Variants in SLC6A13 observed in about 807,000 individuals in gnomAD.
SLC6A13 encodes the protein solute carrier family 6 member 13, also known as sodium- and chloride-dependent GABA transporter 2.
In SLC6A13, 69 loss-of-function variants were observed where a neutral mutation model predicts 72.9. The observed-to-expected ratio is 0.95, with a 90% CI of 0.78 to 1.16. SLC6A13 has a LOEUF of 1.16. SLC6A13 is among the 50% of genes most tolerant of loss of function. The pLI is 0.00. For synonymous variants in SLC6A13, 303 were observed against 303.0 expected (o/e 1.00, Z 0.00); for missense variants, 735 against 760.5 (o/e 0.97, Z 0.39).
intron 8 of SLC6A13, among the ~76,000 whole-genome samples, chr12:227,313 C>T (rs189501951): frequency 2.4e-4 from 36 of 152,316 alleles, no homozygotes; most frequent in African/African-American, 7.9e-4. Flanking sequence ...CTACATCAGC[C>T]AGGAGGCCAG....
chr12:230,154 G>C (rs7132236), intron 7 of SLC6A13, among the ~76,000 whole-genome samples: 1 of 151,930 alleles, frequency 6.6e-6, no homozygotes, highest in Non-Finnish European at 1.5e-5. Flanking sequence ...CCCACTCCAC[G>C]AGCCCTGGTT....
intron 7 of SLC6A13, among the ~76,000 whole-genome samples, chr12:234,116 C>A (rs556419309): frequency 6.6e-6 from 1 of 152,156 alleles, no homozygotes; most frequent in African/African-American, 2.4e-5. Flanking sequence ...CTAGGTTGCA[C>A]GCTCACTCCC....
intron 2 of SLC6A13, chr12:258,890 C>T (rs2137324934): frequency 1.0e-6 from 1 of 981,968 alleles, no homozygotes; most frequent in Non-Finnish European, 1.2e-6. Flanking sequence ...CTAGAAGGGG[C>T]TGGGTAATGG....
intron 7 of SLC6A13, among the ~76,000 whole-genome samples, chr12:231,323 C>A (rs915068359): frequency 2.6e-5 from 4 of 152,244 alleles, no homozygotes; most frequent in Non-Finnish European, 2.9e-5. Context: ...TGGCTCCCCA[C>A]AACCGGCCTC....
At chr12:247,651 CA>C (rs573049649) in intron 2 of SLC6A13, among the ~76,000 whole-genome samples, 14 of 152,080 alleles carry the variant, frequency 9.2e-5, no homozygotes, top group African/African-American at 3.4e-4. Context: ...TGAATCTATA[CA>C]AAGTAATAAA....
intron 2 of SLC6A13, among the ~76,000 whole-genome samples, chr12:246,156 T>TAAATAAATAAATAAATAAATAAAA (rs892942714): frequency 1.7e-5 from 2 of 120,950 alleles, no homozygotes; most frequent in African/African-American, 5.5e-5. Context: ...AATAAATAAA[T>TAAATAAATAAATAAATAAATAAAA]AAAATACAAA....
At chr12:255,688 T>G (rs1942717717) in intron 2 of SLC6A13, among the ~76,000 whole-genome samples, 1 of 152,196 alleles carries the variant, frequency 6.6e-6, no homozygotes, top group South Asian at 2.1e-4. Flanking sequence ...AGAGCGAGAC[T>G]CCATCTTGGA....
At chr12:229,420 T>C (rs369534869) in intron 7 of SLC6A13, among the ~76,000 whole-genome samples, 3 of 152,366 alleles carry the variant, frequency 2.0e-5, no homozygotes, top group East Asian at 3.9e-4. Flanking sequence ...CCTGCAAAGA[T>C]AGTCATCTCA....
At chr12:252,630 C>A (rs980150131) in intron 2 of SLC6A13, among the ~76,000 whole-genome samples, 3 of 152,116 alleles carry the variant, frequency 2.0e-5, no homozygotes, top group Admixed American at 1.3e-4. Flanking sequence ...ACAATTCAGC[C>A]AAAGAAGTCC....
intron 5 of SLC6A13, 53 bp downstream of exon 5, chr12:237,873 T>C (rs1184445594): frequency 1.6e-5 from 21 of 1,344,048 alleles, no homozygotes; most frequent in Non-Finnish European, 2.1e-5. Flanking sequence ...CTCCTCCCCA[T>C]ACCCTTCTTC....
intron 1 of SLC6A13, among the ~76,000 whole-genome samples, chr12:261,530 C>G (rs376619449): frequency 6.6e-6 from 1 of 152,164 alleles, no homozygotes; most frequent in Non-Finnish European, 1.5e-5. Flanking sequence ...GGCAGATGGA[C>G]TTTTTTCTAA....
At position 242,631 on chromosome 12, in the gene SLC6A13, T is replaced by A; in HGVS notation, c.461A>T (p.Tyr154Phe). The change falls in exon 4 of 15, where the codon TAC (tyrosine) becomes TTC (phenylalanine). Residue 154 changes from tyrosine (Y) to phenylalanine (F), a missense_variant. By Grantham distance (22) the Tyr-to-Phe change is conservative (BLOSUM62 3). Transcript: ENST00000343164. ...GACCATACCTGTGTTCCACTCATGG[T>A]AGCAGCCGCCCCAGGGCAGGTCGAT... ...FTIDLPWGGC[Y>F]HEWNTEHCME... The A allele has an allele frequency of 6.2e-7, 1 of 1,613,870 alleles. No individual in the cohort carries two copies. The highest frequency in any genetic ancestry group is 8.5e-7 in the Non-Finnish European group (1 of 1,179,856).
At chr12:247,020 AAAG>A (rs1555118641) in intron 2 of SLC6A13, among the ~76,000 whole-genome samples, 1 of 16,438 alleles carries the variant, frequency 6.1e-5, no homozygotes, top group African/African-American at 1.2e-4. Context: ...AAAAAAAAAA[AAAG>A]AAAGAAAGAA....
chr12:260,726 T>C (rs1450701872), intron 1 of SLC6A13, among the ~76,000 whole-genome samples: 2 of 152,204 alleles, frequency 1.3e-5, no homozygotes, highest in Non-Finnish European at 2.9e-5. Context: ...CAATATATAG[T>C]AAAAAACAGT....
chr12:259,758 T>C, intron 2 of SLC6A13, 93 bp downstream of exon 2: 1 of 1,613,250 alleles, frequency 6.2e-7, no homozygotes, highest in Non-Finnish European at 8.5e-7. Context: ...ATTCTATACA[T>C]CTATGGGACT....
In SLC6A13 at chr12:242,600, G is replaced by A; in HGVS notation, c.478+14C>T. The A allele has an allele frequency of 2.5e-6, 4 of 1,611,934 alleles. No homozygotes were observed. Among genetic ancestry groups the A allele is most frequent in the South Asian group, 1.1e-5 (1 of 90,744 alleles). On this transcript the variant is annotated intron_variant, in intron 4 of 14. Coordinates refer to ENST00000343164, the MANE Select transcript of SLC6A13 (RefSeq NM_016615.5). ...AACGAGAGGAGGAAGTGGACCCTTG[G>A]GTGAGGACCATACCTGTGTTCCACT...
chr12:242,672 G>A lies in SLC6A13; in HGVS notation c.420C>T (p.Leu140=), dbSNP rs893976738. ...IIVLAWALFY[L]FSSFTIDLPW... is the part of the protein sequence containing the mutation. ...GCAGGTCGATGGTGAAGCTGCTGAA[G>A]AGGTAGAACAGGGCCCAGGCCAACA... The change falls in exon 4 of 15, where the codon CTC becomes CTT. Residue 140 remains leucine (L), a synonymous_variant. Coordinates refer to ENST00000343164, the MANE Select transcript of SLC6A13 (RefSeq NM_016615.5). 6 of 1,613,140 alleles carry A rather than the reference G, an allele frequency of 3.7e-6. No individual in the cohort carries two copies. In the African/African-American group the frequency reaches 5.3e-5, roughly 14 times the overall value.
intron 2 of SLC6A13, chr12:256,644 G>A (rs946837213): frequency 2.0e-5 from 3 of 152,280 alleles, no homozygotes; most frequent in Non-Finnish European, 2.9e-5. Flanking sequence ...GTTGACGCTG[G>A]AAGAAACCAA....
rs910150222 is a variant in SLC6A13 at position 235,295 on chromosome 12, G to A, written c.697-71C>T. 22 of 1,526,234 alleles carry A rather than the reference G, an allele frequency of 1.4e-5. No homozygotes were observed. The African/African-American group carries it at 2.5e-4, about 17-fold the overall frequency. 94.5% of individuals were successfully genotyped at this position (1,526,234 alleles called of 1,614,324 possible). ...CAGCAGGGGCAGGAGGCAGGGGCAG[G>A]AGGCAGGGGCAAGAGCTCCTCAGAA... On this transcript the variant is annotated intron_variant, in intron 6 of 14. Transcript: ENST00000343164.
Sources: allele counts gnomAD v4.1 joint callset (sites outside exome capture counted in the v4.1 genomes callset), GRCh38; gene constraint gnomAD v4.1.1; transcripts MANE v1.5; gene names NCBI Gene and HGNC (gene_info 2026-07-23, HGNC 2026-07-21).